Variants in TMCC3 observed in about 807,000 individuals in gnomAD.
TMCC3 encodes the protein transmembrane and coiled-coil domain protein 3.
A neutral mutation model predicts 40.2 loss-of-function variants in TMCC3; 28 were observed. The observed-to-expected ratio is 0.70, with a 90% CI of 0.52 to 0.95. TMCC3 has a LOEUF of 0.95. Ranked by LOEUF, TMCC3 falls within the 40% of genes least tolerant of loss-of-function variation. The pLI, the probability that TMCC3 is intolerant of heterozygous loss-of-function variation, is 0.00. For synonymous variants in TMCC3, 255 were observed against 248.5 expected (o/e 1.03, Z -0.25); for missense variants, 554 against 615.2 (o/e 0.90, Z 1.05).
In TMCC3 at chr12:94,650,496, C is replaced by T. The variant is rs2069051570; in HGVS notation, c.-66G>A. ...GCCGCGCCGCGAGCCACCGGCTGTG[C>T]TCGGGATCACCCTGGGAGCCGCGGG... On this transcript the variant is annotated 5_prime_UTR_variant, in exon 1 of 4. Transcript: ENST00000261226. 12 of 1,181,284 alleles carry T rather than the reference C, an allele frequency of 1.0e-5. No individual in the cohort carries two copies. In the South Asian group the frequency reaches 3.4e-4, roughly 34 times the overall value. 73.2% of individuals were successfully genotyped at this position (1,181,284 alleles called of 1,614,324 possible). A position where few individuals can be genotyped will look rare whatever the true frequency, so the allele number is the denominator to read the frequency against.
chr12:94,638,726 G>A (rs1253929281), intron 1 of TMCC3, among the ~76,000 whole-genome samples: 1 of 152,212 alleles, frequency 6.6e-6, no homozygotes, highest in Non-Finnish European at 1.5e-5. Context: ...ATAGTACCCT[G>A]CTGACTATCT....
In TMCC3 at chr12:94,615,886, ACT is replaced by A. The variant is rs138848836; in HGVS notation, c.79-33350_79-33349del. 5,002 of 975,982 alleles carry A rather than the reference ACT, an allele frequency of 5.1e-3. 181 individuals carry two copies. The African/African-American group carries it at 0.08, about 16-fold the overall frequency. 60.5% of individuals were successfully genotyped at this position (975,982 alleles called of 1,614,324 possible). A position where few individuals can be genotyped will look rare whatever the true frequency, so the allele number is the denominator to read the frequency against. On this transcript the variant is annotated intron_variant, in intron 1 of 3. Transcript: ENST00000261226. ...AAAGCTCCACAATACATATTTACACACTCTGGCTGAAACGGAAGAGTTGTGAA... is the reference window on the plus strand; with the variant it reads ...AAAGCTCCACAATACATATTTACACACTGGCTGAAACGGAAGAGTTGTGAA...
chr12:94,650,049 G>C (rs1444858604), intron 1 of TMCC3, among the ~76,000 whole-genome samples: 1 of 152,102 alleles, frequency 6.6e-6, no homozygotes, highest in African/African-American at 2.4e-5. Context: ...AGCGGCGGGC[G>C]CTCCCTGGCG....
intron 1 of TMCC3, among the ~76,000 whole-genome samples, chr12:94,630,269 A>G (rs939154130): frequency 6.6e-6 from 1 of 150,962 alleles, no homozygotes; most frequent in Admixed American, 6.6e-5. Flanking sequence ...AAAAAAAAAA[A>G]AAGAAGATAC....
intron 1 of TMCC3, among the ~76,000 whole-genome samples, chr12:94,618,029 G>A (rs1346451024): frequency 1.3e-5 from 2 of 152,108 alleles, no homozygotes; most frequent in South Asian, 2.1e-4. Context: ...AGTACACTCC[G>A]TATATGAGAC....
At chr12:94,598,471 G>C in intron 1 of TMCC3, 1 of 472,180 alleles carries the variant, frequency 2.1e-6, no homozygotes, top group South Asian at 8.8e-5. Flanking sequence ...GCAATTACTG[G>C]AGATGTTCTC....
intron 1 of TMCC3, among the ~76,000 whole-genome samples, chr12:94,646,756 A>ATT (rs751029088): frequency 8.4e-6 from 1 of 119,206 alleles, no homozygotes. Flanking sequence ...TTTTTTTTAA[A>ATT]AAACAAATAC....
chr12:94,620,540 G>A (rs185975344), intron 1 of TMCC3, among the ~76,000 whole-genome samples: 271 of 151,824 alleles, frequency 1.8e-3, no homozygotes, highest in African/African-American at 5.7e-3. Flanking sequence ...CATCTGCCTC[G>A]GCCTCCCAAA....
intron 1 of TMCC3, among the ~76,000 whole-genome samples, chr12:94,605,464 G>A (rs2068777303): frequency 6.6e-6 from 1 of 152,132 alleles, no homozygotes; most frequent in South Asian, 2.1e-4. Flanking sequence ...CCAACATTAA[G>A]TAAGCGTCTA....
chr12:94,590,755 G>A lies in TMCC3; in HGVS notation c.79-8217C>T, dbSNP rs149893940. On this transcript the variant is annotated intron_variant, in intron 1 of 3. Coordinates refer to ENST00000261226, the MANE Select transcript of TMCC3 (RefSeq NM_020698.4). Reference sequence around the variant, plus strand: ...GAAACAAGCGGGGTTGTGTCCTCACGCTTCCGGAGACTGGAGTTGCTCCTG... The same window carrying A: ...GAAACAAGCGGGGTTGTGTCCTCACACTTCCGGAGACTGGAGTTGCTCCTG... The A allele has an allele frequency of 1.2e-3, 483 of 398,614 alleles. 5 individuals are homozygous for A. The highest frequency in any genetic ancestry group is 9.9e-3 in the African/African-American group (463 of 46,994). The allele number at this position is 398,614 out of a possible 1,614,324, so 24.7% of individuals were successfully genotyped here. A position where few individuals can be genotyped will look rare whatever the true frequency, so the allele number is the denominator to read the frequency against.
At chr12:94,581,600 C>A (rs2068601771) in intron 2 of TMCC3, 22 bp downstream of exon 2, 1 of 1,322,416 alleles carries the variant, frequency 7.6e-7, no homozygotes. Flanking sequence ...AAAAAACACG[C>A]CAATGGAATA....
intron 1 of TMCC3, among the ~76,000 whole-genome samples, chr12:94,649,277 C>T (rs1050308929): frequency 1.3e-5 from 2 of 152,204 alleles, no homozygotes; most frequent in Non-Finnish European, 1.5e-5. Context: ...AGACCAAAAT[C>T]CTGCACAAAG....
chr12:94,645,470 C>T (rs1300324198), intron 1 of TMCC3, among the ~76,000 whole-genome samples: 1 of 152,188 alleles, frequency 6.6e-6, no homozygotes, highest in Non-Finnish European at 1.5e-5. Context: ...TGGAGTCTCC[C>T]TCTGTTGCCC....
At chr12:94,596,373 C>T (rs113939566) in intron 1 of TMCC3, among the ~76,000 whole-genome samples, 6,907 of 152,234 alleles carry the variant, frequency 0.045, 189 homozygotes, top group East Asian at 0.095. Flanking sequence ...ATGTGTGTGA[C>T]GAGCCAGTCA....
At chr12:94,588,978 A>G (rs559320804) in intron 1 of TMCC3, among the ~76,000 whole-genome samples, 11 of 151,992 alleles carry the variant, frequency 7.2e-5, no homozygotes, top group African/African-American at 2.7e-4. Context: ...ACATGCCACC[A>G]CACCCAGCTA....
intron 1 of TMCC3, among the ~76,000 whole-genome samples, chr12:94,642,883 G>A (rs529094554): frequency 1.3e-5 from 2 of 152,164 alleles, no homozygotes; most frequent in South Asian, 2.1e-4. Context: ...GGTACCATGC[G>A]GCAGGGTACA....
intron 1 of TMCC3, among the ~76,000 whole-genome samples, chr12:94,595,824 C>T (rs1309896713): frequency 6.6e-6 from 1 of 151,540 alleles, no homozygotes; most frequent in Non-Finnish European, 1.5e-5. Flanking sequence ...TAAAAAGCTG[C>T]CTTTAGTTGT....
intron 1 of TMCC3, among the ~76,000 whole-genome samples, chr12:94,603,140 A>C (rs1566324821): frequency 6.6e-6 from 1 of 152,162 alleles, no homozygotes; most frequent in Non-Finnish European, 1.5e-5. Flanking sequence ...GCTGGAGTGC[A>C]GTGGCGCAAT....
chr12:94,649,869 G>A (rs2069043912), intron 1 of TMCC3, among the ~76,000 whole-genome samples: 1 of 152,160 alleles, frequency 6.6e-6, no homozygotes, highest in African/African-American at 2.4e-5. Context: ...CCGCCTCCCC[G>A]CGCTCCGGCT....
Sources: allele counts gnomAD v4.1 joint callset (sites outside exome capture counted in the v4.1 genomes callset), GRCh38; gene constraint gnomAD v4.1.1; transcripts MANE v1.5; gene names NCBI Gene and HGNC (gene_info 2026-07-23, HGNC 2026-07-21).